ABCA13: variants seen among roughly 807,000 people sequenced by gnomAD.
The protein encoded by ABCA13 is ATP binding cassette subfamily A member 13.
In ABCA13, 476 loss-of-function variants were observed where a neutral mutation model predicts 478.7. The observed-to-expected ratio is 0.99, with a 90% CI of 0.92 to 1.07. The LOEUF is 1.07. ABCA13 is among the 50% of genes least tolerant of loss of function. The pLI is 0.00. For synonymous variants in ABCA13, 2,252 were observed against 2,158.9 expected (o/e 1.04, Z -1.20); for missense variants, 6,060 against 5,910.6 (o/e 1.03, Z -0.83).
intron 50 of ABCA13, among the ~76,000 whole-genome samples, chr7:48,509,827 G>C (rs1831521129): frequency 6.6e-6 from 1 of 152,136 alleles, no homozygotes; most frequent in South Asian, 2.1e-4. Context: ...AGATAATTAG[G>C]TTCTGAGAAT....
intron 59 of ABCA13, among the ~76,000 whole-genome samples, chr7:48,625,273 G>A (rs891612981): frequency 6.6e-6 from 1 of 152,126 alleles, no homozygotes; most frequent in African/African-American, 2.4e-5. Flanking sequence ...GATTAAGATT[G>A]CATCACCACA....
intron 15 of ABCA13, among the ~76,000 whole-genome samples, chr7:48,256,801 A>G (rs1463994442): frequency 6.6e-6 from 1 of 152,146 alleles, no homozygotes; most frequent in Non-Finnish European, 1.5e-5. Context: ...CTATTCGGGC[A>G]CTTTTTTGAT....
At position 48,297,216 on chromosome 7, in the gene ABCA13, T is replaced by C. The variant is rs1799503077; in HGVS notation, c.9120-16T>C. ...TTTAGCTTGCCTAATTTAGCTTTAATTTTCTGCCATTTTAGGTTGGCCAAA... is the reference window on the plus strand; with the variant it reads ...TTTAGCTTGCCTAATTTAGCTTTAACTTTCTGCCATTTTAGGTTGGCCAAA... On this transcript the variant is annotated splice_polypyrimidine_tract_variant and intron_variant, in intron 21 of 61. Transcript: ENST00000435803. 2 of 1,588,112 alleles carry C rather than the reference T, an allele frequency of 1.3e-6. No individual in the cohort carries two copies. Among genetic ancestry groups the C allele is most frequent in the Non-Finnish European group, 1.7e-6 (2 of 1,165,654 alleles).
chr7:48,413,791 T>A (rs528829804), intron 41 of ABCA13, among the ~76,000 whole-genome samples: 1 of 152,208 alleles, frequency 6.6e-6, no homozygotes, highest in Non-Finnish European at 1.5e-5. Flanking sequence ...TAAAAAATAT[T>A]ACAAAATGCT....
At chr7:48,416,037 T>C (rs562050494) in intron 41 of ABCA13, among the ~76,000 whole-genome samples, 4 of 152,294 alleles carry the variant, frequency 2.6e-5, no homozygotes, top group Non-Finnish European at 5.9e-5. Flanking sequence ...TTTAGTCACA[T>C]CTGAGACTAA....
Position 48,427,800 on chromosome 7 carries a change from A to T in ABCA13, c.12494A>T (p.Lys4165Ile), listed in dbSNP as rs1447300767. ...ATGCTTTTGCAAGATTCCAACAAGA[A>T]ATCTCACATTGCCCTGGGGACTGAG... ...FLMLLQDSNK[K>I]SHIALGTESE... Residue 4165 changes from lysine (K) to isoleucine (I), a missense_variant, in exon 42 of 62, where the codon AAA becomes ATA. Transcript: ENST00000435803. The T allele has an allele frequency of 1.2e-6, 2 of 1,613,814 alleles. No individual in the cohort carries two copies. Among genetic ancestry groups the T allele is most frequent in the Admixed American group, 3.3e-5 (2 of 60,014 alleles).
chr7:48,241,164 A>G, intron 10 of ABCA13, 98 bp downstream of exon 10: 1 of 1,361,528 alleles, frequency 7.3e-7, no homozygotes, highest in Non-Finnish European at 1.0e-6. Context: ...CTGTAAAACT[A>G]CAGCTAAATA....
At chr7:48,315,546 C>A (rs907993173) in intron 26 of ABCA13, among the ~76,000 whole-genome samples, 1 of 150,184 alleles carries the variant, frequency 6.7e-6, no homozygotes. Context: ...GTGGCTTGAT[C>A]TCGGCTCACC....
At chr7:48,367,091 G>A (rs961162581) in intron 31 of ABCA13, among the ~76,000 whole-genome samples, 5 of 152,142 alleles carry the variant, frequency 3.3e-5, no homozygotes, top group Admixed American at 6.5e-5. Context: ...CCAGCTTGAG[G>A]TAGGAATGCC....
intron 15 of ABCA13, among the ~76,000 whole-genome samples, chr7:48,253,714 G>A (rs1248442513): frequency 2.6e-5 from 4 of 152,096 alleles, no homozygotes; most frequent in Non-Finnish European, 4.4e-5. Flanking sequence ...AAACTCCTCA[G>A]CTCAAGTGAT....
intron 48 of ABCA13, among the ~76,000 whole-genome samples, chr7:48,494,441 TGA>T (rs1400014676): frequency 6.6e-6 from 1 of 152,140 alleles, no homozygotes; most frequent in Non-Finnish European, 1.5e-5. Context: ...TTGAGATATT[TGA>T]GAGAGAAGAT....
intron 47 of ABCA13, among the ~76,000 whole-genome samples, chr7:48,487,334 C>CA (rs71006566): frequency 9.8e-5 from 14 of 142,176 alleles, no homozygotes; most frequent in South Asian, 6.7e-4. Context: ...CAAAACAAAA[C>CA]AAAAAAAACA....
chr7:48,598,861 T>G (rs779558803), intron 58 of ABCA13, among the ~76,000 whole-genome samples: 1 of 152,100 alleles, frequency 6.6e-6, no homozygotes, highest in East Asian at 1.9e-4. Flanking sequence ...CTAAGTTTTG[T>G]GTATAGTATG....
At chr7:48,261,710 G>C (rs1342259065) in intron 15 of ABCA13, among the ~76,000 whole-genome samples, 1 of 151,516 alleles carries the variant, frequency 6.6e-6, no homozygotes, top group Non-Finnish European at 1.5e-5. Flanking sequence ...TTATCACATT[G>C]AGACAGTCCT....
chr7:48,446,996 T>G (rs1163083608), intron 42 of ABCA13, among the ~76,000 whole-genome samples: 1 of 152,130 alleles, frequency 6.6e-6, no homozygotes, highest in Non-Finnish European at 1.5e-5. Context: ...TCAGAAGCAG[T>G]GAAAAGAGAA....
chr7:48,514,116 G>A (rs1453973108), intron 51 of ABCA13, among the ~76,000 whole-genome samples: 1 of 152,202 alleles, frequency 6.6e-6, no homozygotes, highest in Non-Finnish European at 1.5e-5. Context: ...TCACTCAAGT[G>A]CAGATCAGGT....
chr7:48,398,310 T>A (rs1401226278), intron 38 of ABCA13, among the ~76,000 whole-genome samples: 1 of 152,206 alleles, frequency 6.6e-6, no homozygotes, highest in African/African-American at 2.4e-5. Context: ...TTGCTTCATC[T>A]TTTTTTGGGT....
chr7:48,644,397 T>C (rs1319389451), intron 60 of ABCA13, among the ~76,000 whole-genome samples: 2 of 152,194 alleles, frequency 1.3e-5, no homozygotes, highest in Non-Finnish European at 2.9e-5. Flanking sequence ...GGTTAGAGCA[T>C]ATCAGGGGGC....
rs143279728 is a variant in ABCA13 at position 48,367,121 on chromosome 7, A to G, written c.10689-673A>G. On this transcript the variant is annotated intron_variant, in intron 31 of 61. Coordinates refer to ENST00000435803, the MANE Select transcript of ABCA13 (RefSeq NM_152701.5). ...AATGCCTACATTTAAAGGCAGGTAA[A>G]GGAGAAGTTGCCAAGATGTGGGTGC... Among the ~76,000 whole-genome samples the G allele has an allele frequency of 8.7e-3, 1,318 of 152,252 alleles. 8 individuals are homozygous for G. Among genetic ancestry groups the G allele is most frequent in the South Asian group, 0.03 (144 of 4,828 alleles).
Sources: allele counts gnomAD v4.1 joint callset (sites outside exome capture counted in the v4.1 genomes callset), GRCh38; gene constraint gnomAD v4.1.1; transcripts MANE v1.5; gene names NCBI Gene and HGNC (gene_info 2026-07-23, HGNC 2026-07-21).